ATP6V0A4: variants seen among roughly 807,000 people sequenced by gnomAD.
ATP6V0A4 encodes V-type proton ATPase 116 kDa subunit a 4.
ATP6V0A4 carries 86 observed loss-of-function variants against 107.3 expected under a neutral mutation model. The observed-to-expected ratio is 0.80, with a 90% confidence interval of 0.67 to 0.96. The LOEUF is 0.96. Among genes scored for constraint, ATP6V0A4 ranks in the 40% least tolerant of loss-of-function variants. The probability of loss-of-function intolerance (pLI) is 0.00; values close to 1 mark genes in which losing one functional copy is unlikely to be tolerated. For missense variants in ATP6V0A4, 908 were observed against 1,045.6 expected, an observed-to-expected ratio of 0.87 and a Z score of 1.81; for synonymous variants, 353 against 381.4, an observed-to-expected ratio of 0.93 and a Z score of 0.87.
intron 2 of ATP6V0A4, among the ~76,000 whole-genome samples, chr7:138,784,867 C>A (rs959185908): frequency 6.6e-6 from 1 of 152,176 alleles, no homozygotes; most frequent in African/African-American, 2.4e-5. Flanking sequence ...CGGCAAAGCA[C>A]TTTCATGCCC....
chr7:138,719,339 T>C (rs996763084), intron 19 of ATP6V0A4, among the ~76,000 whole-genome samples: 1 of 152,164 alleles, frequency 6.6e-6, no homozygotes, highest in Non-Finnish European at 1.5e-5. Context: ...TGATCGTTTA[T>C]GCGAATGCAG....
intron 2 of ATP6V0A4, among the ~76,000 whole-genome samples, chr7:138,775,243 T>C (rs781742664): frequency 1.3e-5 from 2 of 152,086 alleles, no homozygotes; most frequent in Non-Finnish European, 1.5e-5. Context: ...TCATGAATGT[T>C]CTATCATCCA....
At chr7:138,723,056 A>AAG (rs1414208900) in intron 18 of ATP6V0A4, among the ~76,000 whole-genome samples, 1 of 9,300 alleles carries the variant, frequency 1.1e-4, no homozygotes, top group Non-Finnish European at 1.8e-4. Flanking sequence ...AGACTGTCTC[A>AAG]AAAAAAAAAA....
chr7:138,743,250 G>A (rs1805727207), intron 14 of ATP6V0A4, among the ~76,000 whole-genome samples: 1 of 152,004 alleles, frequency 6.6e-6, no homozygotes, highest in Non-Finnish European at 1.5e-5. Flanking sequence ...TTCAGGCCAG[G>A]AGTTTGAGAC....
chr7:138,720,745 TC>T (rs1804387291), intron 19 of ATP6V0A4, among the ~76,000 whole-genome samples: 1 of 152,016 alleles, frequency 6.6e-6, no homozygotes, highest in African/African-American at 2.4e-5. Flanking sequence ...CAAGTGATTC[TC>T]CTGCCTCAGC....
intron 1 of ATP6V0A4, among the ~76,000 whole-genome samples, chr7:138,791,481 A>G (rs1430800988): frequency 6.6e-6 from 1 of 152,192 alleles, no homozygotes; most frequent in Non-Finnish European, 1.5e-5. Context: ...CCAATTGCCT[A>G]CAAACTCCAA....
In ATP6V0A4 at chr7:138,709,795, T is replaced by A; in HGVS notation, c.2258A>T (p.Gln753Leu). Residue 753 changes from glutamine (Q) to leucine (L), a missense_variant and splice_region_variant, in exon 21 of 22, where the codon CAA (glutamine) becomes CTA (leucine). Gln to Leu is a moderately radical substitution (Grantham distance 113). Transcript: ENST00000310018. ...RLWALSLAHAQLSEVLWTMVM... is the reference protein window; with the variant it reads ...RLWALSLAHALLSEVLWTMVM... ...CATAGTCCAGAGCACTTCAGACAGT[T>A]CTGCAAGGTACGAGAAACCACTGGG... 1 of 1,613,920 alleles carries A rather than the reference T, an allele frequency of 6.2e-7. No homozygotes were observed.
chr7:138,779,832 A>G (rs1807839764), intron 2 of ATP6V0A4, among the ~76,000 whole-genome samples: 1 of 152,254 alleles, frequency 6.6e-6, no homozygotes, highest in South Asian at 2.1e-4. Context: ...GAGAAAACAG[A>G]TATTTGCTTA....
chr7:138,792,015 C>T (rs867798822), intron 1 of ATP6V0A4, among the ~76,000 whole-genome samples: 1 of 152,002 alleles, frequency 6.6e-6, no homozygotes, highest in Non-Finnish European at 1.5e-5. Flanking sequence ...GTATAAAAAT[C>T]AGGAGTGGAT....
chr7:138,723,594 C>T (rs111666211), intron 18 of ATP6V0A4, among the ~76,000 whole-genome samples: 1,913 of 143,702 alleles, frequency 0.013, 47 homozygotes, highest in African/African-American at 0.046. Context: ...GGTACAATCT[C>T]GGTTCACTGC....
At chr7:138,788,291 T>A (rs1384075024) in intron 1 of ATP6V0A4, among the ~76,000 whole-genome samples, 1 of 152,220 alleles carries the variant, frequency 6.6e-6, no homozygotes, top group Non-Finnish European at 1.5e-5. Context: ...ATGCTCAGAT[T>A]GTTGTGCCAA....
chr7:138,755,659 T>A (rs1043778024), intron 10 of ATP6V0A4, 30 bp downstream of exon 10: 1 of 1,612,762 alleles, frequency 6.2e-7, no homozygotes, highest in Non-Finnish European at 8.5e-7. Flanking sequence ...GCAGCTGCCA[T>A]CAGACCATGC....
chr7:138,738,339 C>T (rs1190774991), intron 15 of ATP6V0A4, among the ~76,000 whole-genome samples: 1 of 152,078 alleles, frequency 6.6e-6, no homozygotes, highest in Admixed American at 6.6e-5. Context: ...GTCTGAGGAG[C>T]AGAAATGGAC....
At position 138,745,122 on chromosome 7, in the gene ATP6V0A4, C is replaced by T. The variant is rs772968385; in HGVS notation, c.1478+1G>A. Reference sequence around the variant, plus strand: ...TACACCATCTCTGTCTGTCAACTCACTTCCATGTGCCGTTTCTGAACATGG... The same window carrying T: ...TACACCATCTCTGTCTGTCAACTCATTTCCATGTGCCGTTTCTGAACATGG... On this transcript the variant is annotated splice_donor_variant, in intron 14 of 21. Transcript: ENST00000310018. LOFTEE classifies it high-confidence loss of function. 1.2e-6 allele frequency: 2 copies of T among 1,612,630 alleles called. No individual in the cohort carries two copies. The highest frequency in any genetic ancestry group is 1.7e-6 in the Non-Finnish European group (2 of 1,178,590).
At chr7:138,716,926 T>C (rs1804071343) in intron 19 of ATP6V0A4, among the ~76,000 whole-genome samples, 1 of 151,952 alleles carries the variant, frequency 6.6e-6, no homozygotes, top group Non-Finnish European at 1.5e-5. Flanking sequence ...GTCAGGAGAA[T>C]ATGTAGAAGG....
At chr7:138,746,546 C>T (rs935731988) in intron 13 of ATP6V0A4, among the ~76,000 whole-genome samples, 9 of 151,894 alleles carry the variant, frequency 5.9e-5, no homozygotes, top group Admixed American at 2.0e-4. Flanking sequence ...CTCTGTCACC[C>T]AGGCTGGAGT....
intron 18 of ATP6V0A4, among the ~76,000 whole-genome samples, chr7:138,726,076 G>T (rs779333089): frequency 6.6e-6 from 1 of 151,844 alleles, no homozygotes; most frequent in Non-Finnish European, 1.5e-5. Flanking sequence ...TGCAAGCTCC[G>T]CCTCCCGGGC....
At chr7:138,785,430 C>G (rs1038640085) in intron 2 of ATP6V0A4, among the ~76,000 whole-genome samples, 2 of 152,014 alleles carry the variant, frequency 1.3e-5, no homozygotes, top group African/African-American at 4.8e-5. Flanking sequence ...TGTGCACCAC[C>G]ACGCCCGGTT....
chr7:138,768,009 A>G (rs1205803919), intron 5 of ATP6V0A4, among the ~76,000 whole-genome samples: 1 of 152,036 alleles, frequency 6.6e-6, no homozygotes, highest in Non-Finnish European at 1.5e-5. Flanking sequence ...TCTCAGCTCA[A>G]TGCAACCTCT....
Sources: allele counts gnomAD v4.1 joint callset (sites outside exome capture counted in the v4.1 genomes callset), GRCh38; gene constraint gnomAD v4.1.1; transcripts MANE v1.5; gene names NCBI Gene and HGNC (gene_info 2026-07-23, HGNC 2026-07-21).